The following CTNNA2 variants were observed in gnomAD, a reference collection of about 807,000 sequenced individuals.
CTNNA2 encodes the protein catenin alpha 2, also known as catenin alpha-2.
Under a neutral mutation model 101.0 loss-of-function variants are expected in CTNNA2, and 42 were observed. That is an observed-to-expected ratio of 0.42 (90% CI 0.32 to 0.54). The LOEUF is 0.54. Ranked by LOEUF, CTNNA2 falls within the 20% of genes least tolerant of loss-of-function variation. The pLI, the probability that CTNNA2 is intolerant of heterozygous loss-of-function variation, is 0.14. For missense variants in CTNNA2, 871 were observed against 1,223.1 expected (o/e 0.71, Z 4.29); for synonymous variants, 450 against 456.4 (o/e 0.99, Z 0.18).
intron 9 of CTNNA2, among the ~76,000 whole-genome samples, chr2:80,437,988 A>G (rs1162579322): frequency 1.3e-5 from 2 of 151,692 alleles, no homozygotes; most frequent in Non-Finnish European, 2.9e-5. Context: ...CAGACTGGGC[A>G]ACAAGAGCAA....
intron 7 of CTNNA2, among the ~76,000 whole-genome samples, chr2:80,172,382 G>T (rs1373504300): frequency 6.6e-6 from 1 of 152,182 alleles, no homozygotes; most frequent in African/African-American, 2.4e-5. Context: ...AGACTATGGG[G>T]TTTGTTCCTT....
At chr2:79,757,270 A>G (rs1046137275) in intron 3 of CTNNA2, among the ~76,000 whole-genome samples, 3 of 150,490 alleles carry the variant, frequency 2.0e-5, no homozygotes, top group Admixed American at 1.3e-4. Flanking sequence ...TAATAAAAAA[A>G]CCATAATCAC....
chr2:80,344,313 G>T (rs958240934), intron 7 of CTNNA2, among the ~76,000 whole-genome samples: 2 of 151,940 alleles, frequency 1.3e-5, no homozygotes, highest in Non-Finnish European at 2.9e-5. Flanking sequence ...TTTCGTAGAT[G>T]CACACCCACA....
intron 4 of CTNNA2, among the ~76,000 whole-genome samples, chr2:79,448,836 G>A (rs1678859595): frequency 6.6e-6 from 1 of 152,012 alleles, no homozygotes; most frequent in African/African-American, 2.4e-5. Flanking sequence ...AGAGATGAAA[G>A]TCTGCAATTC....
chr2:79,638,783 T>C (rs1680255027), intron 1 of CTNNA2, among the ~76,000 whole-genome samples: 1 of 152,200 alleles, frequency 6.6e-6, no homozygotes, highest in Admixed American at 6.5e-5. Context: ...ATATAATAAT[T>C]CACTAGAGCT....
intron 3 of CTNNA2, among the ~76,000 whole-genome samples, chr2:79,853,029 G>T (rs1379205626): frequency 1.3e-5 from 2 of 151,682 alleles, no homozygotes; most frequent in Non-Finnish European, 2.9e-5. Flanking sequence ...AGCACGCCTG[G>T]CTAATTTTTT....
intron 18 of CTNNA2, among the ~76,000 whole-genome samples, chr2:80,646,007 A>AAATAAGGGATATGGAAC (rs1462237961): frequency 6.6e-6 from 1 of 152,172 alleles, no homozygotes; most frequent in Non-Finnish European, 1.5e-5. Context: ...AATTTAGCTT[A>AAATAAGGGATATGGAAC]AATAAGGGAT....
chr2:79,435,321 T>A (rs1348628495), intron 4 of CTNNA2, among the ~76,000 whole-genome samples: 1 of 152,258 alleles, frequency 6.6e-6, no homozygotes, highest in African/African-American at 2.4e-5. Context: ...ATGTTCAGAG[T>A]GCAGAGCGTG....
chr2:79,619,587 C>T (rs1399758236), intron 1 of CTNNA2, among the ~76,000 whole-genome samples: 4 of 152,100 alleles, frequency 2.6e-5, no homozygotes, highest in Admixed American at 6.5e-5. Context: ...TTTTAAAACG[C>T]CTTTTTTGAA....
rs75702721 is a variant in CTNNA2, at chr2:79,235,187, C to T, written c.-406+37111C>T. 8.6e-3 allele frequency among the ~76,000 whole-genome samples: 1,309 copies of T among 152,258 alleles called. 20 individuals are homozygous for T. Among genetic ancestry groups the T allele is most frequent in the African/African-American group, 0.03 (1,265 of 41,556 alleles). On this transcript the variant is annotated intron_variant, in intron 2 of 21. Transcript: ENST00000466387. ...CTAACTATGATGTGGATTGAGTATA[C>T]TCAGTTGGCTTTATTTCTGGGTGTT...
chr2:80,058,933 T>G (rs1483544806), intron 7 of CTNNA2, among the ~76,000 whole-genome samples: 1 of 152,216 alleles, frequency 6.6e-6, no homozygotes, highest in Admixed American at 6.5e-5. Flanking sequence ...CTGATTTACA[T>G]GATATCTGCA....
chr2:79,860,928 G>A lies in CTNNA2; in HGVS notation c.465+2749G>A, dbSNP rs987898732. ...CTCAGGACGGATAAAGTAACGTATT[G>A]TCTGCAAGCTTCTATTTATTTGTTT... On this transcript the variant is annotated intron_variant, in intron 4 of 18. Coordinates refer to ENST00000402739, the MANE Select transcript of CTNNA2 (RefSeq NM_001282597.3). 2.2e-4 allele frequency among the ~76,000 whole-genome samples: 33 copies of A among 152,300 alleles called. 1 individual carries two copies. The highest frequency in any genetic ancestry group is 3.8e-4 in the Non-Finnish European group (26 of 68,018).
chr2:79,778,348 A>AT lies in CTNNA2; in HGVS notation c.298+33766_298+33767insT, dbSNP rs1313783015. On this transcript the variant is annotated intron_variant, in intron 3 of 18. Coordinates refer to ENST00000402739, the MANE Select transcript of CTNNA2 (RefSeq NM_001282597.3). ...CTACAGAGTGAGACTCCATCAAAAA[A>AT]AAAAATAAAAAAAGGCTTATTCATG... Among the ~76,000 whole-genome samples, 14 of 152,244 alleles carry AT rather than the reference A, an allele frequency of 9.2e-5. No homozygotes were observed. The South Asian group carries it at 1.0e-3, about 11-fold the overall frequency.
intron 7 of CTNNA2, among the ~76,000 whole-genome samples, chr2:80,223,754 A>C (rs1289120306): frequency 6.6e-6 from 1 of 152,172 alleles, no homozygotes; most frequent in Non-Finnish European, 1.5e-5. Flanking sequence ...CTAGGCTCCC[A>C]TCTAGTTTGG....
chr2:80,257,846 A>G (rs775272986), intron 7 of CTNNA2, among the ~76,000 whole-genome samples: 2 of 152,356 alleles, frequency 1.3e-5, no homozygotes, highest in East Asian at 3.9e-4. Flanking sequence ...CACCCGGGCA[A>G]TCATCAGTGC....
intron 7 of CTNNA2, among the ~76,000 whole-genome samples, chr2:80,119,495 C>G (rs1283207183): frequency 1.3e-5 from 2 of 152,128 alleles, no homozygotes; most frequent in Non-Finnish European, 2.9e-5. Flanking sequence ...TGATGTCCAT[C>G]ATTAGTTTTG....
chr2:80,074,640 C>T (rs1341247097), intron 7 of CTNNA2, among the ~76,000 whole-genome samples: 2 of 152,000 alleles, frequency 1.3e-5, no homozygotes, highest in Non-Finnish European at 2.9e-5. Flanking sequence ...ATTCTCAGAG[C>T]TCTTCCCCCT....
At chr2:79,276,648 A>C (rs996225792) in intron 2 of CTNNA2, among the ~76,000 whole-genome samples, 3 of 151,844 alleles carry the variant, frequency 2.0e-5, no homozygotes, top group African/African-American at 7.3e-5. Context: ...TGTTTGTGTA[A>C]CTTTTATTTA....
intron 9 of CTNNA2, among the ~76,000 whole-genome samples, chr2:80,481,974 G>A (rs1304349332): frequency 1.3e-5 from 2 of 151,970 alleles, no homozygotes; most frequent in African/African-American, 4.8e-5. Flanking sequence ...GGCCATATCG[G>A]GGAGATTACT....
Sources: allele counts gnomAD v4.1 joint callset (sites outside exome capture counted in the v4.1 genomes callset), GRCh38; gene constraint gnomAD v4.1.1; transcripts MANE v1.5; gene names NCBI Gene and HGNC (gene_info 2026-07-23, HGNC 2026-07-21).